ZNF182: variants seen among roughly 807,000 people sequenced by gnomAD.
ZNF182 encodes zinc finger protein 21 (KOX 14).
In ZNF182, 10 loss-of-function variants were observed where a neutral mutation model predicts 28.1. The ratio of observed to expected loss-of-function variants is 0.36; its 90% CI spans 0.22 to 0.60. The LOEUF is 0.60. Among genes scored for constraint, ZNF182 ranks in the 20% least tolerant of loss-of-function variants. The pLI is 0.75. For synonymous variants in ZNF182, 156 were observed against 158.7 expected (o/e 0.98, Z 0.13); for missense variants, 352 against 453.2 (o/e 0.78, Z 2.03).
Position 47,984,516 on chromosome X carries a change from A to G in ZNF182, c.16-1105T>C, listed in dbSNP as rs185256011. Among the ~76,000 whole-genome samples, 441 of 111,173 alleles carry G rather than the reference A, an allele frequency of 4.0e-3. 1 individual carries two copies. Among genetic ancestry groups the G allele is most frequent in the Non-Finnish European group, 5.9e-3 (315 of 53,000 alleles). On this transcript the variant is annotated intron_variant, in intron 3 of 5. Coordinates refer to ENST00000376943, the MANE Select transcript of ZNF182 (RefSeq NM_001007088.2). ...ATACTAGATCACAGATAAAATCCAA[A>G]TGTCCATCAACAGTAGAATGGGTAA... is the stretch of plus-strand genomic sequence containing the variant.
Position 47,976,235 on chromosome X carries a change from G to A in ZNF182, c.1795C>T (p.Arg599Ter). ...TGGGCTTTCTTTCCTGCATGGGTTC[G>A]CTGATGTACAATAAGGTTTGATTTT... ...TQKSNLIVHQRTHAGKKAHGR... is the reference protein window; with the variant it reads ...TQKSNLIVHQ Residue 599 changes from arginine (R) to a stop codon, truncating the protein, a stop_gained, in exon 6 of 6, where the codon CGA becomes TGA. Transcript: ENST00000376943. LOFTEE classifies it high-confidence loss of function. The A allele has an allele frequency of 1.7e-6, 2 of 1,189,793 alleles. No individual in the cohort carries two copies. Among genetic ancestry groups the A allele is most frequent in the Non-Finnish European group, 1.1e-6 (1 of 887,238 alleles).
At chrX:47,988,527 T>G (rs1556900046) in intron 3 of ZNF182, 1 of 502,515 alleles carries the variant, frequency 2.0e-6, no homozygotes, top group South Asian at 2.8e-5. Flanking sequence ...GACATACCTG[T>G]TCCCTCTTTG....
intron 3 of ZNF182, among the ~76,000 whole-genome samples, chrX:47,987,154 A>G (rs1450547881): frequency 1.8e-5 from 2 of 112,112 alleles, no homozygotes; most frequent in East Asian, 2.8e-4. Context: ...CTTAATATAC[A>G]TAATGATTAT....
chrX:48,001,049 A>G (rs1191221616), intron 3 of ZNF182, among the ~76,000 whole-genome samples: 2 of 112,668 alleles, frequency 1.8e-5, no homozygotes, highest in Admixed American at 1.9e-4. Context: ...AATACCAAGT[A>G]CTGACAAAAA....
Position 47,976,564 on chromosome X carries a change from T to A in ZNF182, c.1466A>T (p.His489Leu). Residue 489 changes from histidine to leucine, a missense_variant, in exon 6 of 6, where the codon CAT becomes CTT. By Grantham distance (99) the His-to-Leu change is moderately conservative. Coordinates refer to ENST00000376943, the MANE Select transcript of ZNF182 (RefSeq NM_001007088.2). The part of the protein sequence containing the change: ...KSYLIIHQRT[H>L]TEEKPYKCNE... ...ACATTTATAGGGTTTTTCTTCTGTA[T>A]GAGTTCTTTGATGTATAATGAGATA... is the stretch of plus-strand genomic sequence containing the variant. 8.3e-7 allele frequency: 1 copy of A among 1,208,372 alleles called. No individual in the cohort carries two copies. Among genetic ancestry groups the A allele is most frequent in the Non-Finnish European group, 1.1e-6 (1 of 894,394 alleles).
chrX:47,992,493 C>A (rs946683378), intron 3 of ZNF182, among the ~76,000 whole-genome samples: 42 of 110,939 alleles, frequency 3.8e-4, no homozygotes, highest in African/African-American at 1.3e-3. Context: ...ACACTGACCA[C>A]CTTCCAGTCA....
At chrX:47,989,612 G>A (rs1556900221) in intron 3 of ZNF182, among the ~76,000 whole-genome samples, 1 of 111,700 alleles carries the variant, frequency 9.0e-6, no homozygotes, top group East Asian at 2.8e-4. Flanking sequence ...GAAAAACAAA[G>A]AAATGCTGAG....
chrX:47,993,382 C>A (rs1603227421), intron 3 of ZNF182, among the ~76,000 whole-genome samples: 1 of 112,206 alleles, frequency 8.9e-6, no homozygotes, highest in East Asian at 2.8e-4. Flanking sequence ...GTGAGTTGTT[C>A]TAACAAATTA....
rs186985202 is a variant in ZNF182, at chrX:47,986,366, C to T, written c.16-2955G>A. Among the ~76,000 whole-genome samples, 1,078 of 112,292 alleles carry T rather than the reference C, an allele frequency of 9.6e-3. 38 individuals carry two copies. The East Asian group carries it at 0.11, about 11-fold the overall frequency. Reference sequence around the variant, plus strand: ...TAAGAAAATATCTTCATGTTATTTCCTTTTTCCTTTATCATGTGACATAAG... The same window carrying T: ...TAAGAAAATATCTTCATGTTATTTCTTTTTTCCTTTATCATGTGACATAAG... On this transcript the variant is annotated intron_variant, in intron 3 of 5. Transcript: ENST00000376943.
At chrX:47,988,328 T>A (rs1033171866) in intron 3 of ZNF182, among the ~76,000 whole-genome samples, 17 of 109,322 alleles carry the variant, frequency 1.6e-4, no homozygotes, top group Admixed American at 1.4e-3. Flanking sequence ...AAAAAAAAAA[T>A]ATGATCCCCA....
chrX:47,992,902 A>C (rs1251141763), intron 3 of ZNF182, among the ~76,000 whole-genome samples: 2 of 112,408 alleles, frequency 1.8e-5, no homozygotes, highest in Non-Finnish European at 3.8e-5. Flanking sequence ...TTCCTGGGAG[A>C]GGGACACCTG....
rs182378699 is a variant in ZNF182 at position 47,982,793 on chromosome X, T to A, written c.232+156A>T. ...GTATGGGGGACAGCGGGAGTGTCAG[T>A]TTTGTGTCTGAGGTGTTCATGTCCC... On this transcript the variant is annotated intron_variant, in intron 5 of 5. Coordinates refer to ENST00000376943, the MANE Select transcript of ZNF182 (RefSeq NM_001007088.2). Among the ~76,000 whole-genome samples, 501 of 110,700 alleles carry A rather than the reference T, an allele frequency of 4.5e-3. 2 individuals are homozygous for A. Among genetic ancestry groups the A allele is most frequent in the Non-Finnish European group, 5.8e-3 (308 of 52,810 alleles).
At position 47,980,161 on chromosome X, in the gene ZNF182, C is replaced by G. The variant is rs782083365; in HGVS notation, c.233-2364G>C. On this transcript the variant is annotated intron_variant, in intron 5 of 5. Coordinates refer to ENST00000376943, the MANE Select transcript of ZNF182 (RefSeq NM_001007088.2). ...TGTCATTTGCAGCTACATGGATAAG[C>G]CTGGAGGACATTATGTTAAGTGAAA... Among the ~76,000 whole-genome samples the G allele has an allele frequency of 3.6e-5, 4 of 111,134 alleles. No individual in the cohort carries two copies. The East Asian group carries it at 8.5e-4, about 24-fold the overall frequency.
intron 2 of ZNF182, among the ~76,000 whole-genome samples, chrX:48,003,074 G>A (rs2058984073): frequency 8.9e-6 from 1 of 111,867 alleles, no homozygotes; most frequent in South Asian, 3.7e-4. Flanking sequence ...GCGTTATATG[G>A]AACTGTACAG....
At chrX:47,995,428 CA>C (rs2058955671) in intron 3 of ZNF182, among the ~76,000 whole-genome samples, 1 of 111,964 alleles carries the variant, frequency 8.9e-6, no homozygotes, top group African/African-American at 3.2e-5. Flanking sequence ...ACAGAGATAT[CA>C]GAGAAAAGAG....
At chrX:47,998,043 G>A (rs1404163837) in intron 3 of ZNF182, among the ~76,000 whole-genome samples, 4 of 109,261 alleles carry the variant, frequency 3.7e-5, no homozygotes, top group Non-Finnish European at 7.6e-5. Context: ...TACAAAACAC[G>A]CCACTATAAA....
At chrX:48,002,923 C>A (rs1272172949) in intron 2 of ZNF182, among the ~76,000 whole-genome samples, 3 of 112,247 alleles carry the variant, frequency 2.7e-5, no homozygotes, top group African/African-American at 9.7e-5. Context: ...AATAATTTAT[C>A]ATAATGTATC....
In ZNF182 at chrX:47,975,833, A is replaced by G; in HGVS notation, c.*334T>C. On this transcript the variant is annotated 3_prime_UTR_variant, in exon 6 of 6. Coordinates refer to ENST00000376943, the MANE Select transcript of ZNF182 (RefSeq NM_001007088.2). ...TATCTATGGTTCCGCGCCTCGGGGTATATCCCGAACCTCAGCTAAGAGTCC... is the reference window on the plus strand; with the variant it reads ...TATCTATGGTTCCGCGCCTCGGGGTGTATCCCGAACCTCAGCTAAGAGTCC... 1 of 175,665 alleles carries G rather than the reference A, an allele frequency of 5.7e-6. No homozygotes were observed. Among genetic ancestry groups the G allele is most frequent in the Non-Finnish European group, 1.1e-5 (1 of 93,425 alleles). The allele number at this position is 175,665 out of a possible 1,213,427, so 14.5% of individuals were successfully genotyped here. A position where few individuals can be genotyped will look rare whatever the true frequency, so the allele number is the denominator to read the frequency against.
chrX:47,980,212 C>T (rs1438664245), intron 5 of ZNF182, among the ~76,000 whole-genome samples: 1 of 111,053 alleles, frequency 9.0e-6, no homozygotes. Context: ...AAGACAAATA[C>T]TGCATGATCT....
Sources: gnomAD v4.1 joint callset for allele counts (sites outside exome capture counted in the v4.1 genomes callset) on GRCh38, gnomAD v4.1.1 for gene constraint, MANE v1.5 for transcripts, NCBI Gene and HGNC (gene_info 2026-07-23, HGNC 2026-07-21) for gene names.